The following TACR3 variants were observed in gnomAD, a reference collection of about 807,000 sequenced individuals.
TACR3 encodes neuromedin-K receptor.
TACR3 carries 34 observed loss-of-function variants against 35.0 expected under a neutral mutation model. The observed-to-expected ratio is 0.97, with a 90% confidence interval of 0.74 to 1.30. The LOEUF (loss-of-function observed/expected upper bound fraction) is 1.30, where lower values mean the gene tolerates loss of function less well. TACR3 is among the 50% of genes most tolerant of loss of function. The probability of loss-of-function intolerance (pLI) is 0.00; values close to 1 mark genes in which losing one functional copy is unlikely to be tolerated. For synonymous variants in TACR3, 233 were observed against 221.1 expected, an observed-to-expected ratio of 1.05 and a Z score of -0.48; for missense variants, 558 against 591.7, an observed-to-expected ratio of 0.94 and a Z score of 0.59.
chr4:103,698,705 T>A (rs1044382382), intron 1 of TACR3, among the ~76,000 whole-genome samples: 3 of 152,084 alleles, frequency 2.0e-5, no homozygotes, highest in Non-Finnish European at 4.4e-5. Context: ...TACAGTCAAA[T>A]GATAGTTACT....
intron 1 of TACR3, among the ~76,000 whole-genome samples, chr4:103,672,672 T>G (rs574690322): frequency 6.6e-6 from 1 of 152,270 alleles, no homozygotes; most frequent in East Asian, 1.9e-4. Context: ...GCCCTAGGAT[T>G]TTTGGAATAA....
At chr4:103,592,049 T>G (rs1289796130) in intron 3 of TACR3, among the ~76,000 whole-genome samples, 1 of 152,164 alleles carries the variant, frequency 6.6e-6, no homozygotes, top group Non-Finnish European at 1.5e-5. Context: ...AGTGGAGATA[T>G]TATCTCCAGG....
At chr4:103,659,217 G>T (rs903261232) in intron 1 of TACR3, among the ~76,000 whole-genome samples, 3 of 152,158 alleles carry the variant, frequency 2.0e-5, no homozygotes, top group Non-Finnish European at 4.4e-5. Context: ...AACTGGTACT[G>T]GTCCCTAACC....
At chr4:103,694,796 T>C (rs1378371656) in intron 1 of TACR3, among the ~76,000 whole-genome samples, 1 of 152,128 alleles carries the variant, frequency 6.6e-6, no homozygotes, top group Non-Finnish European at 1.5e-5. Flanking sequence ...AATTAGTCTT[T>C]AAGGCATGTA....
At chr4:103,644,423 G>A (rs3796968) in intron 3 of TACR3, among the ~76,000 whole-genome samples, 65,843 of 151,562 alleles carry the variant, frequency 0.43, 17,244 homozygotes, top group African/African-American at 0.75. Context: ...AACAAATTGC[G>A]TACATTTTCA....
In TACR3 at chr4:103,591,551, T is replaced by C. The variant is rs749064480; in HGVS notation, c.1021A>G (p.Ser341Gly). 2.5e-6 allele frequency: 4 copies of C among 1,613,906 alleles called. No individual in the cohort carries two copies. The highest frequency in any genetic ancestry group is 2.2e-5 in the East Asian group (1 of 44,858). Residue 341 changes from serine (S) to glycine (G), a missense_variant, in exon 4 of 5, where the codon AGC (serine) becomes GGC (glycine). Transcript: ENST00000304883. ...WKYIQQVYLASFWLAMSSTMY... is the reference protein window; with the variant it reads ...WKYIQQVYLAGFWLAMSSTMY... ...GTTGAGCTCATTGCCAGCCAAAAGC[T>C]AGCCAGGTAGACCTGCTGGATGTAT...
intron 3 of TACR3, among the ~76,000 whole-genome samples, chr4:103,620,854 A>C (rs1213995911): frequency 1.3e-5 from 2 of 151,948 alleles, no homozygotes; most frequent in Admixed American, 1.3e-4. Context: ...TATACAACAA[A>C]TCTACACATG....
At chr4:103,631,191 G>A (rs1474092607) in intron 3 of TACR3, among the ~76,000 whole-genome samples, 3 of 152,050 alleles carry the variant, frequency 2.0e-5, no homozygotes, top group Non-Finnish European at 4.4e-5. Flanking sequence ...GTGGGTGGCT[G>A]GAGGAGGGAT....
At chr4:103,659,512 A>G (rs1378857947) in intron 1 of TACR3, among the ~76,000 whole-genome samples, 3 of 152,304 alleles carry the variant, frequency 2.0e-5, no homozygotes, top group Admixed American at 2.0e-4. Context: ...GCAGCAGGAG[A>G]TAAGTTCAGA....
At chr4:103,672,157 C>A (rs1042856124) in intron 1 of TACR3, among the ~76,000 whole-genome samples, 1 of 152,112 alleles carries the variant, frequency 6.6e-6, no homozygotes. Flanking sequence ...TCTTCAGGCT[C>A]CACATTCTTG....
At chr4:103,680,494 TAC>T (rs957508252) in intron 1 of TACR3, among the ~76,000 whole-genome samples, 6 of 98,664 alleles carry the variant, frequency 6.1e-5, no homozygotes, top group Admixed American at 2.1e-4. Flanking sequence ...TATACATACA[TAC>T]ACACACACAC....
chr4:103,603,342 C>T (rs1724257689), intron 3 of TACR3, among the ~76,000 whole-genome samples: 1 of 152,350 alleles, frequency 6.6e-6, no homozygotes, highest in South Asian at 2.1e-4. Context: ...CCTTGCACTT[C>T]CCGGGTGAGG....
chr4:103,606,500 C>A (rs185411348), intron 3 of TACR3, among the ~76,000 whole-genome samples: 1 of 152,008 alleles, frequency 6.6e-6, no homozygotes, highest in African/African-American at 2.4e-5. Context: ...TTTTATTTCA[C>A]TGAGCAGTGG....
At chr4:103,650,764 ATG>A (rs1404567484) in intron 3 of TACR3, among the ~76,000 whole-genome samples, 7 of 87,214 alleles carry the variant, frequency 8.0e-5, no homozygotes, top group African/African-American at 2.9e-4. Flanking sequence ...ATTATATATG[ATG>A]TATATAATAT....
intron 1 of TACR3, among the ~76,000 whole-genome samples, chr4:103,666,744 A>AT (rs1321383433): frequency 6.6e-6 from 1 of 152,146 alleles, no homozygotes; most frequent in African/African-American, 2.4e-5. Flanking sequence ...AACTTGCTAA[A>AT]TTTTTTGCTA....
intron 3 of TACR3, among the ~76,000 whole-genome samples, chr4:103,607,000 A>G (rs1255608063): frequency 2.0e-5 from 3 of 152,268 alleles, no homozygotes; most frequent in African/African-American, 4.8e-5. Flanking sequence ...CATCCCATCA[A>G]TACCTAATTT....
intron 1 of TACR3, among the ~76,000 whole-genome samples, chr4:103,699,072 A>AGTT (rs1722589653): frequency 6.6e-6 from 1 of 152,216 alleles, no homozygotes; most frequent in African/African-American, 2.4e-5. Flanking sequence ...TCATTCATTT[A>AGTT]GTTGATACAC....
chr4:103,640,587 G>C (rs1725333610), intron 3 of TACR3, among the ~76,000 whole-genome samples: 1 of 151,952 alleles, frequency 6.6e-6, no homozygotes, highest in South Asian at 2.1e-4. Context: ...AAGATGTATG[G>C]TTTACAAATT....
chr4:103,646,685 A>G (rs1029651635), intron 3 of TACR3, among the ~76,000 whole-genome samples: 2 of 151,952 alleles, frequency 1.3e-5, no homozygotes, highest in African/African-American at 2.4e-5. Context: ...TAAATTATTT[A>G]TAGGAGAATG....
Sources: allele counts gnomAD v4.1 joint callset (sites outside exome capture counted in the v4.1 genomes callset), GRCh38; gene constraint gnomAD v4.1.1; transcripts MANE v1.5; gene names NCBI Gene and HGNC (gene_info 2026-07-23, HGNC 2026-07-21).